Variants in RAB11FIP2 observed in about 807,000 individuals in gnomAD.
The protein encoded by RAB11FIP2 is rab11 family-interacting protein 2.
Under a neutral mutation model 40.9 loss-of-function variants are expected in RAB11FIP2, and 16 were observed. The observed-to-expected ratio is 0.39, with a 90% CI of 0.26 to 0.59. The LOEUF (loss-of-function observed/expected upper bound fraction) is 0.59, where lower values mean the gene tolerates loss of function less well. RAB11FIP2 is among the 20% of genes least tolerant of loss of function. The pLI, the probability that RAB11FIP2 is intolerant of heterozygous loss-of-function variation, is 0.53. For missense variants in RAB11FIP2, 532 were observed against 606.2 expected (o/e 0.88, Z 1.28); for synonymous variants, 228 against 213.7 (o/e 1.07, Z -0.58).
intron 3 of RAB11FIP2, among the ~76,000 whole-genome samples, chr10:118,015,673 A>G (rs1846210951): frequency 6.6e-6 from 1 of 152,234 alleles, no homozygotes; most frequent in Admixed American, 6.5e-5. Context: ...AAATTTAAAT[A>G]CTGAAACGAA....
At chr10:118,027,840 C>T (rs960160003) in intron 3 of RAB11FIP2, among the ~76,000 whole-genome samples, 1 of 151,908 alleles carries the variant, frequency 6.6e-6, no homozygotes, top group Non-Finnish European at 1.5e-5. Flanking sequence ...GCTTTATTGC[C>T]GTTTACTAAA....
chr10:118,021,655 G>A lies in RAB11FIP2; in HGVS notation c.1266-6545C>T, dbSNP rs76815751. On this transcript the variant is annotated intron_variant, in intron 3 of 4. Coordinates refer to ENST00000355624, the MANE Select transcript of RAB11FIP2 (RefSeq NM_014904.3). ...CACCAATACTCATTGCTTCTTTGAC[G>A]AAGGTCACCAAAAAACTATTTTCAC... Among the ~76,000 whole-genome samples the A allele has an allele frequency of 8.5e-3, 1,296 of 152,238 alleles. 79 individuals are homozygous for A. In the East Asian group the frequency reaches 0.17, roughly 20 times the overall value.
At chr10:118,010,206 C>A (rs1846139799) in intron 4 of RAB11FIP2, among the ~76,000 whole-genome samples, 1 of 152,050 alleles carries the variant, frequency 6.6e-6, no homozygotes, top group Non-Finnish European at 1.5e-5. Context: ...ACATAATGCC[C>A]AATTACAACT....
At position 118,042,830 on chromosome 10, in the gene RAB11FIP2, A is replaced by AC. The variant is rs201948314; in HGVS notation, c.354-2266dup. Among the ~76,000 whole-genome samples the AC allele has an allele frequency of 4.6e-5, 7 of 151,590 alleles. No individual in the cohort carries two copies. The South Asian group carries it at 6.3e-4, about 14-fold the overall frequency. On this transcript the variant is annotated intron_variant, in intron 1 of 4. Coordinates refer to ENST00000355624, the MANE Select transcript of RAB11FIP2 (RefSeq NM_014904.3). ...AAATACACTATAATGTCCATTCCCC[A>AC]CCCCCCAAAAAAAACTGCAAAGAAC...
At chr10:118,021,223 T>C (rs1291878694) in intron 3 of RAB11FIP2, among the ~76,000 whole-genome samples, 2 of 152,218 alleles carry the variant, frequency 1.3e-5, no homozygotes, top group Non-Finnish European at 2.9e-5. Context: ...TGTAAAATGG[T>C]GTAATTACTT....
At chr10:118,039,482 T>C in intron 2 of RAB11FIP2, 42 bp from the exon 3 acceptor site, 1 of 1,482,954 alleles carries the variant, frequency 6.7e-7, no homozygotes, top group Non-Finnish European at 9.3e-7. Context: ...AGTGACACAT[T>C]ACATCACACT....
intron 4 of RAB11FIP2, among the ~76,000 whole-genome samples, chr10:118,009,429 A>C (rs1237399979): frequency 6.6e-6 from 1 of 152,140 alleles, no homozygotes; most frequent in African/African-American, 2.4e-5. Flanking sequence ...TTTGACTATA[A>C]CTCTAAATCC....
intron 3 of RAB11FIP2, among the ~76,000 whole-genome samples, chr10:118,025,352 T>C (rs906582903): frequency 5.9e-5 from 9 of 152,238 alleles, no homozygotes; most frequent in Admixed American, 3.9e-4. Context: ...TTAAAGAGTG[T>C]ACCTCTAATA....
At chr10:118,017,541 TAGTGTCGCTGC>T (rs1846236486) in intron 3 of RAB11FIP2, 1 of 151,982 alleles carries the variant, frequency 6.6e-6, no homozygotes, top group African/African-American at 2.4e-5. Context: ...TGTCAGACAG[TAGTGTCGCTGC>T]AGGACACGGA....
At chr10:118,044,903 C>A (rs1458967344) in intron 1 of RAB11FIP2, among the ~76,000 whole-genome samples, 1 of 152,098 alleles carries the variant, frequency 6.6e-6, no homozygotes, top group African/African-American at 2.4e-5. Flanking sequence ...TCACTAATTT[C>A]ATTAATATAA....
At chr10:118,015,179 T>C in intron 3 of RAB11FIP2, 69 bp from the exon 4 acceptor site, 1 of 1,338,934 alleles carries the variant, frequency 7.5e-7, no homozygotes, top group Non-Finnish European at 1.0e-6. Flanking sequence ...AATAGAAAAA[T>C]TTTAACCAAC....
At chr10:118,038,237 T>C (rs1384716913) in intron 3 of RAB11FIP2, among the ~76,000 whole-genome samples, 1 of 151,306 alleles carries the variant, frequency 6.6e-6, no homozygotes, top group Non-Finnish European at 1.5e-5. Context: ...TCTACACTTA[T>C]ATCTATATAT....
chr10:118,033,067 A>G (rs757209693), intron 3 of RAB11FIP2, among the ~76,000 whole-genome samples: 1 of 151,958 alleles, frequency 6.6e-6, no homozygotes, highest in Non-Finnish European at 1.5e-5. Flanking sequence ...TCATAGGTAT[A>G]TATGTATAGA....
chr10:118,033,034 C>A lies in RAB11FIP2; in HGVS notation c.1265+5938G>T, dbSNP rs1846433865. Among the ~76,000 whole-genome samples the A allele has an allele frequency of 2.0e-5, 3 of 151,808 alleles. No individual in the cohort carries two copies. In the South Asian group the frequency reaches 6.3e-4, roughly 32 times the overall value. ...TTATTATTGTTACTCTCTTACTGTG[C>A]CTAATTTATGAATTAAACTTTATCA... On this transcript the variant is annotated intron_variant, in intron 3 of 4. Coordinates refer to ENST00000355624, the MANE Select transcript of RAB11FIP2 (RefSeq NM_014904.3).
At chr10:118,032,034 AT>A (rs138819665) in intron 3 of RAB11FIP2, among the ~76,000 whole-genome samples, 8,813 of 152,094 alleles carry the variant, frequency 0.058, 370 homozygotes, top group Non-Finnish European at 0.088. Context: ...GCTTATATTG[AT>A]TTTTTTAAAA....
Position 118,029,031 on chromosome 10 carries a change from A to G in RAB11FIP2, c.1265+9941T>C, listed in dbSNP as rs183619684. 2.4e-3 allele frequency among the ~76,000 whole-genome samples: 367 copies of G among 152,222 alleles called. 1 individual carries two copies. The highest frequency in any genetic ancestry group is 2.3e-3 in the Non-Finnish European group (156 of 67,994). Reference sequence around the variant, plus strand: ...AATAATATAGCACCTCATTAAAAAAACAAAAAGAAAAAATTCAAACCTTTC... The same window carrying G: ...AATAATATAGCACCTCATTAAAAAAGCAAAAAGAAAAAATTCAAACCTTTC... On this transcript the variant is annotated intron_variant, in intron 3 of 4. Transcript: ENST00000355624.
At chr10:118,016,943 A>G (rs940273879) in intron 3 of RAB11FIP2, among the ~76,000 whole-genome samples, 4 of 152,256 alleles carry the variant, frequency 2.6e-5, no homozygotes, top group African/African-American at 7.2e-5. Flanking sequence ...TATTTCATAA[A>G]TAAAATAATG....
chr10:118,008,276 T>C lies in RAB11FIP2; in HGVS notation c.*722A>G, dbSNP rs1447215114. The stretch of plus-strand genomic sequence containing the variant: ...GAGAAAAACTTTGATGCTAGAATAA[T>C]ATATAGCAGCTCACTTTGAAACCAA... On this transcript the variant is annotated 3_prime_UTR_variant, in exon 5 of 5. Coordinates refer to ENST00000355624, the MANE Select transcript of RAB11FIP2 (RefSeq NM_014904.3). The C allele has an allele frequency of 6.6e-6, 1 of 152,278 alleles. No homozygotes were observed. The highest frequency in any genetic ancestry group is 1.5e-5 in the Non-Finnish European group (1 of 67,982). 9.4% of individuals were successfully genotyped at this position (152,278 alleles called of 1,614,324 possible).
At chr10:118,016,834 T>C (rs1256069322) in intron 3 of RAB11FIP2, among the ~76,000 whole-genome samples, 1 of 152,194 alleles carries the variant, frequency 6.6e-6, no homozygotes, top group Non-Finnish European at 1.5e-5. Context: ...ATCTGTAAAA[T>C]GGAGATGGCA....
Sources: allele counts gnomAD v4.1 joint callset (sites outside exome capture counted in the v4.1 genomes callset), GRCh38; gene constraint gnomAD v4.1.1; transcripts MANE v1.5; gene names NCBI Gene and HGNC (gene_info 2026-07-23, HGNC 2026-07-21).